KIFAP3: variants seen among roughly 807,000 people sequenced by gnomAD.
The protein encoded by KIFAP3 is kinesin associated protein 3.
KIFAP3 carries 68 observed loss-of-function variants against 106.5 expected under a neutral mutation model. The observed-to-expected ratio is 0.64, with a 90% CI of 0.53 to 0.78. KIFAP3 has a LOEUF of 0.78. KIFAP3 is among the 30% of genes least tolerant of loss of function. KIFAP3 has a pLI of 0.00. For synonymous variants in KIFAP3, 320 were observed against 311.5 expected (o/e 1.03, Z -0.29); for missense variants, 780 against 941.8 (o/e 0.83, Z 2.25).
intron 1 of KIFAP3, among the ~76,000 whole-genome samples, chr1:170,066,175 A>ACC (rs35418624): frequency 3.0e-5 from 4 of 132,968 alleles, no homozygotes; most frequent in African/African-American, 1.2e-4. Flanking sequence ...TATTGCCTAC[A>ACC]CCCCCCCCCC....
chr1:170,060,197 C>T (rs1358822292), intron 1 of KIFAP3, among the ~76,000 whole-genome samples: 1 of 152,044 alleles, frequency 6.6e-6, no homozygotes, highest in Non-Finnish European at 1.5e-5. Context: ...AAAGGGTATT[C>T]AATTAGGAAA....
chr1:169,946,804 G>T (rs1011051582), intron 19 of KIFAP3, among the ~76,000 whole-genome samples: 1 of 151,812 alleles, frequency 6.6e-6, no homozygotes, highest in African/African-American at 2.4e-5. Context: ...GGCTCCTAAG[G>T]TATTCCACCT....
chr1:169,964,828 CTCTT>C (rs1313870148), intron 17 of KIFAP3, among the ~76,000 whole-genome samples: 1 of 152,112 alleles, frequency 6.6e-6, no homozygotes, highest in Non-Finnish European at 1.5e-5. Flanking sequence ...AACTGTGAAC[CTCTT>C]TAAGATTCAT....
chr1:169,963,909 T>C (rs1178216075), intron 17 of KIFAP3, among the ~76,000 whole-genome samples: 1 of 39,424 alleles, frequency 2.5e-5, no homozygotes, highest in Non-Finnish European at 4.3e-5. Context: ...AAACATTATG[T>C]AAAAATAATA....
intron 1 of KIFAP3, among the ~76,000 whole-genome samples, chr1:170,066,785 T>A (rs763748029): frequency 6.6e-6 from 1 of 152,140 alleles, no homozygotes; most frequent in African/African-American, 2.4e-5. Flanking sequence ...GTGAAACAGA[T>A]GCAGATCGGT....
chr1:170,039,316 A>T (rs775229577), intron 3 of KIFAP3, 28 bp from the exon 4 acceptor site: 2 of 1,360,108 alleles, frequency 1.5e-6, no homozygotes. Flanking sequence ...TTTAATAAGG[A>T]GACTTAGGTT....
chr1:170,009,597 A>G (rs2101984182), intron 10 of KIFAP3, among the ~76,000 whole-genome samples: 1 of 152,296 alleles, frequency 6.6e-6, no homozygotes, highest in East Asian at 1.9e-4. Flanking sequence ...TGAAATCTCT[A>G]AACCAAAGCA....
intron 3 of KIFAP3, among the ~76,000 whole-genome samples, chr1:170,043,576 G>GT (rs1670092162): frequency 6.6e-6 from 1 of 152,142 alleles, no homozygotes; most frequent in Non-Finnish European, 1.5e-5. Flanking sequence ...TCTCCTCATG[G>GT]TTCTTACAGA....
chr1:170,054,345 C>T (rs751870696), intron 2 of KIFAP3, among the ~76,000 whole-genome samples: 18 of 151,872 alleles, frequency 1.2e-4, no homozygotes, highest in Non-Finnish European at 2.2e-4. Context: ...TTGGCAGATG[C>T]TGCTCAGGCT....
rs868216112 is a variant in KIFAP3, at chr1:170,035,511, C to T, written c.560G>A (p.Trp187Ter). The T allele has an allele frequency of 6.2e-7, 1 of 1,609,988 alleles. No homozygotes were observed. The highest frequency in any genetic ancestry group is 8.5e-7 in the Non-Finnish European group (1 of 1,177,822). Reference sequence around the variant, plus strand: ...TGTAGCTAACTCGACACTTTGCTTCCAGTCTTCTCTCAGGACCCTTGCTAA... The same window carrying T: ...TGTAGCTAACTCGACACTTTGCTTCTAGTCTTCTCTCAGGACCCTTGCTAA... ...GALARVLRED[W>*]KQSVELATNI... Residue 187 changes from tryptophan (W) to a stop codon, truncating the protein, a stop_gained, in exon 6 of 20, where the codon TGG becomes TAG. Coordinates refer to ENST00000361580, the MANE Select transcript of KIFAP3 (RefSeq NM_014970.4). LOFTEE classifies it high-confidence loss of function.
chr1:170,080,723 A>G (rs1476479234), intron 1 of KIFAP3, among the ~76,000 whole-genome samples: 3 of 152,144 alleles, frequency 2.0e-5, no homozygotes, highest in Admixed American at 6.6e-5. Flanking sequence ...CAGTAGTTAC[A>G]TCTTCCATAA....
chr1:170,043,344 T>C (rs1000006427), intron 3 of KIFAP3, among the ~76,000 whole-genome samples: 3 of 152,126 alleles, frequency 2.0e-5, no homozygotes, highest in Non-Finnish European at 4.4e-5. Context: ...AAACAGGACA[T>C]TATTAGTGAG....
chr1:169,937,781 A>T (rs1663891583), intron 19 of KIFAP3, among the ~76,000 whole-genome samples: 1 of 151,778 alleles, frequency 6.6e-6, no homozygotes, highest in Admixed American at 6.6e-5. Context: ...AGCAGTAAAA[A>T]TTCTTAATAC....
intron 2 of KIFAP3, among the ~76,000 whole-genome samples, chr1:170,054,054 G>A (rs1670714508): frequency 6.6e-6 from 1 of 152,122 alleles, no homozygotes; most frequent in Non-Finnish European, 1.5e-5. Context: ...GAGTGAACAG[G>A]AAACCTACAG....
At chr1:169,956,197 C>G (rs1307813307) in intron 18 of KIFAP3, among the ~76,000 whole-genome samples, 1 of 152,034 alleles carries the variant, frequency 6.6e-6, no homozygotes, top group Non-Finnish European at 1.5e-5. Context: ...GGAAAATACA[C>G]ACAAAGATAT....
chr1:170,076,325 T>A (rs1424829201), upstream of KIFAP3, among the ~76,000 whole-genome samples: 1 of 152,148 alleles, frequency 6.6e-6, no homozygotes, highest in Non-Finnish European at 1.5e-5. Flanking sequence ...CTGAACTAGA[T>A]AAACTGTCTG....
Position 170,074,502 on chromosome 1 carries a change from A to C in KIFAP3, c.-35T>G. 6.2e-7 allele frequency: 1 copy of C among 1,613,732 alleles called. No homozygotes were observed. The highest frequency in any genetic ancestry group is 8.5e-7 in the Non-Finnish European group (1 of 1,179,896). ...GGCAGCGGCGTGGAGAGGATGGGGT[A>C]TCTTGAGAGGCAGGCGCGGTTATTT... is the stretch of plus-strand genomic sequence containing the variant. On this transcript the variant is annotated 5_prime_UTR_variant, in exon 1 of 20. Coordinates refer to ENST00000361580, the MANE Select transcript of KIFAP3 (RefSeq NM_014970.4).
chr1:170,048,073 C>T (rs1044653207), intron 2 of KIFAP3, among the ~76,000 whole-genome samples: 10 of 152,150 alleles, frequency 6.6e-5, no homozygotes, highest in African/African-American at 1.9e-4. Context: ...GTCCTGTAAG[C>T]TTATTATCCA....
At chr1:170,078,702 A>C (rs1671967407), upstream of KIFAP3, among the ~76,000 whole-genome samples, 1 of 152,214 alleles carries the variant, frequency 6.6e-6, no homozygotes, top group Non-Finnish European at 1.5e-5. Flanking sequence ...TTCAGACACA[A>C]ATAGCTTCAC....
Sources: gnomAD v4.1 joint callset for allele counts (sites outside exome capture counted in the v4.1 genomes callset) on GRCh38, gnomAD v4.1.1 for gene constraint, MANE v1.5 for transcripts, NCBI Gene and HGNC (gene_info 2026-07-23, HGNC 2026-07-21) for gene names.